OR9Q1: variants seen among roughly 807,000 people sequenced by gnomAD.
OR9Q1 encodes olfactory receptor family 9 subfamily Q member 1.
For missense variants in OR9Q1, 374 were observed against 378.8 expected, an observed-to-expected ratio of 0.99 and a Z score of 0.11; for synonymous variants, 153 against 148.6, an observed-to-expected ratio of 1.03 and a Z score of -0.22.
intron 2 of OR9Q1, among the ~76,000 whole-genome samples, chr11:58,083,714 G>A (rs1040977095): frequency 4.0e-5 from 6 of 151,774 alleles, no homozygotes; most frequent in Non-Finnish European, 4.4e-5. Flanking sequence ...ATCGAACAGG[G>A]AATCTTTTCC....
At chr11:58,063,381 C>A (rs1853398518) in intron 2 of OR9Q1, among the ~76,000 whole-genome samples, 1 of 152,120 alleles carries the variant, frequency 6.6e-6, no homozygotes, top group Non-Finnish European at 1.5e-5. Context: ...ATTGCACTTA[C>A]TATAAGCCAG....
intron 2 of OR9Q1, among the ~76,000 whole-genome samples, chr11:58,151,958 T>G (rs1854357247): frequency 1.3e-5 from 2 of 152,138 alleles, no homozygotes; most frequent in African/African-American, 4.8e-5. Context: ...GATTGCATGT[T>G]TATAAGGAAC....
intron 2 of OR9Q1, among the ~76,000 whole-genome samples, chr11:58,080,153 C>A (rs1196405612): frequency 6.6e-6 from 1 of 152,122 alleles, no homozygotes; most frequent in African/African-American, 2.4e-5. Flanking sequence ...TCCCTTCCCC[C>A]ACTAGTAGTC....
At chr11:58,117,871 T>A (rs565646814) in intron 2 of OR9Q1, 2 of 152,224 alleles carry the variant, frequency 1.3e-5, no homozygotes, top group African/African-American at 4.8e-5. Flanking sequence ...TACCAAGTGA[T>A]AAGGAAAATT....
chr11:58,023,943 A>C lies in OR9Q1; in HGVS notation c.-254A>C, dbSNP rs1179637529. On this transcript the variant is annotated 5_prime_UTR_variant, in exon 1 of 3. Transcript: ENST00000335397. ...GATGCCACACAGAGATGGTAGAGGG[A>C]GCGAAAGGAGCAAAGGCCCTAACTT... is the stretch of plus-strand genomic sequence containing the variant. 1 of 152,158 alleles carries C rather than the reference A, an allele frequency of 6.6e-6. No individual in the cohort carries two copies. Among genetic ancestry groups the C allele is most frequent in the Non-Finnish European group, 1.5e-5 (1 of 68,054 alleles). 9.4% of individuals were successfully genotyped at this position (152,158 alleles called of 1,614,324 possible). A position where few individuals can be genotyped will look rare whatever the true frequency, so the allele number is the denominator to read the frequency against.
intron 2 of OR9Q1, among the ~76,000 whole-genome samples, chr11:58,137,080 G>T (rs7934184): frequency 0.22 from 32,986 of 152,194 alleles, 3,987 homozygotes; most frequent in Middle Eastern, 0.34. Context: ...GAGGGCTGAT[G>T]ATTCCGATTA....
intron 1 of OR9Q1, among the ~76,000 whole-genome samples, chr11:58,038,160 GA>G (rs1173646106): frequency 6.6e-6 from 1 of 151,888 alleles, no homozygotes; most frequent in Non-Finnish European, 1.5e-5. Context: ...ATGAAACTGG[GA>G]AAAACCCAGT....
At chr11:58,129,847 C>CT (rs372080290) in intron 2 of OR9Q1, among the ~76,000 whole-genome samples, 61 of 150,732 alleles carry the variant, frequency 4.0e-4, no homozygotes, top group South Asian at 8.4e-4. Flanking sequence ...GAGGGCAGGG[C>CT]TTTTTTTTTC....
intron 2 of OR9Q1, among the ~76,000 whole-genome samples, chr11:58,063,594 C>T (rs760005072): frequency 7.2e-5 from 11 of 152,164 alleles, no homozygotes; most frequent in South Asian, 2.1e-4. Context: ...GACTGACTGA[C>T]GATAGGTACA....
At chr11:58,150,127 G>T (rs1468128994) in intron 2 of OR9Q1, among the ~76,000 whole-genome samples, 1 of 152,118 alleles carries the variant, frequency 6.6e-6, no homozygotes, top group Non-Finnish European at 1.5e-5. Flanking sequence ...CTCAACACTT[G>T]TTTCCCATTT....
chr11:58,077,231 T>C (rs1186017495), intron 2 of OR9Q1: 2 of 152,116 alleles, frequency 1.3e-5, no homozygotes, highest in Non-Finnish European at 2.9e-5. Context: ...TGTTCACAAA[T>C]GGGAAACAAC....
chr11:58,088,951 A>C (rs771344354), intron 2 of OR9Q1, among the ~76,000 whole-genome samples: 1 of 151,710 alleles, frequency 6.6e-6, no homozygotes, highest in Non-Finnish European at 1.5e-5. Context: ...ATCTTGGCTC[A>C]CTGCAACCTC....
chr11:58,128,016 A>AG (rs1565084556), intron 2 of OR9Q1, among the ~76,000 whole-genome samples: 1 of 152,124 alleles, frequency 6.6e-6, no homozygotes, highest in East Asian at 1.9e-4. Flanking sequence ...ATTGAAAAAA[A>AG]TTTTTGACAC....
chr11:58,078,934 G>A (rs139583214), intron 2 of OR9Q1, among the ~76,000 whole-genome samples: 6 of 152,322 alleles, frequency 3.9e-5, no homozygotes, highest in African/African-American at 1.2e-4. Flanking sequence ...CACCTTACAA[G>A]TGATGAAGCA....
chr11:58,106,974 GT>G (rs1257731471), intron 2 of OR9Q1, among the ~76,000 whole-genome samples: 1 of 152,036 alleles, frequency 6.6e-6, no homozygotes, highest in Non-Finnish European at 1.5e-5. Context: ...GTATTTTATT[GT>G]TCCATATACA....
rs1266658577 is a variant in OR9Q1 at position 58,125,806 on chromosome 11, C to G, written c.-14-53625C>G. 2.0e-5 allele frequency among the ~76,000 whole-genome samples: 3 copies of G among 152,124 alleles called. No homozygotes were observed. The South Asian group carries it at 6.2e-4, about 31-fold the overall frequency. On this transcript the variant is annotated intron_variant, in intron 2 of 2. Transcript: ENST00000335397. ...TGGGAGCTCATGAAAACTCGTAAGC[C>G]TTGTTTGTCTCAAAGCTCAACTGCA...
intron 1 of OR9Q1, among the ~76,000 whole-genome samples, chr11:58,037,023 A>G (rs1178985073): frequency 6.6e-6 from 1 of 152,192 alleles, no homozygotes; most frequent in Non-Finnish European, 1.5e-5. Flanking sequence ...GTTACAGAGA[A>G]ATTTTTCACA....
intron 2 of OR9Q1, among the ~76,000 whole-genome samples, chr11:58,096,071 A>G (rs1472556658): frequency 1.3e-5 from 2 of 152,008 alleles, no homozygotes; most frequent in Non-Finnish European, 2.9e-5. Context: ...CTATTCTGGA[A>G]AGCCATGAAA....
At chr11:58,142,453 A>G (rs1442695206) in intron 2 of OR9Q1, among the ~76,000 whole-genome samples, 2 of 152,126 alleles carry the variant, frequency 1.3e-5, no homozygotes, top group Non-Finnish European at 2.9e-5. Context: ...GATCAGGGTA[A>G]GATTTGGCCT....
Sources: gnomAD v4.1 joint callset for allele counts (sites outside exome capture counted in the v4.1 genomes callset) on GRCh38, gnomAD v4.1.1 for gene constraint, MANE v1.5 for transcripts, NCBI Gene and HGNC (gene_info 2026-07-23, HGNC 2026-07-21) for gene names.